IWS1: variants seen among roughly 807,000 people sequenced by gnomAD.
IWS1 encodes protein IWS1 homolog.
A neutral mutation model predicts 86.7 loss-of-function variants in IWS1; 27 were observed. That is an observed-to-expected ratio of 0.31 (90% CI 0.23 to 0.43). The LOEUF is 0.43. Among genes scored for constraint, IWS1 ranks in the 20% least tolerant of loss-of-function variants. The pLI, the probability that IWS1 is intolerant of heterozygous loss-of-function variation, is 1.00. For missense variants in IWS1, 827 were observed against 1,000.8 expected (o/e 0.83, Z 2.34); for synonymous variants, 313 against 335.1 (o/e 0.93, Z 0.72).
chr2:127,521,461 C>T (rs1692091549), intron 2 of IWS1, among the ~76,000 whole-genome samples: 1 of 152,142 alleles, frequency 6.6e-6, no homozygotes, highest in Non-Finnish European at 1.5e-5. Flanking sequence ...TATGGGGTTA[C>T]AGCCTGATAC....
rs562788635 is a variant in IWS1 at position 127,525,078 on chromosome 2, G to A, written c.34+1097C>T. Reference sequence around the variant, plus strand: ...ACTCGGCTAATTTTTGCATTTTTTTGTAGAGACGAAGTAGGGGGGTGGGGT... The same window carrying A: ...ACTCGGCTAATTTTTGCATTTTTTTATAGAGACGAAGTAGGGGGGTGGGGT... On this transcript the variant is annotated intron_variant, in intron 1 of 13. Transcript: ENST00000295321. Among the ~76,000 whole-genome samples the A allele has an allele frequency of 4.5e-5, 6 of 134,270 alleles. No homozygotes were observed. The East Asian group carries it at 1.6e-3, about 35-fold the overall frequency. 88.1% of individuals were successfully genotyped at this position (134,270 alleles called of 152,430 possible).
In IWS1 at chr2:127,503,427, CCTT is replaced by C. The variant is rs1444025254; in HGVS notation, c.1366_1368del (p.Lys456del). The C allele has an allele frequency of 6.2e-7, 1 of 1,613,138 alleles. No individual in the cohort carries two copies. Among genetic ancestry groups the C allele is most frequent in the Non-Finnish European group, 8.5e-7 (1 of 1,179,548 alleles). ...GACTCACTGTCACTCCCAAACAGAT[CCTT>C]CTCTTCATTTTTCTTATCAGACAAT... On this transcript the variant is annotated inframe_deletion, in exon 4 of 14. Transcript: ENST00000295321.
chr2:127,526,121 C>T (rs1692396751), intron 1 of IWS1, 54 bp downstream of exon 1: 3 of 1,543,504 alleles, frequency 1.9e-6, no homozygotes, highest in Non-Finnish European at 2.6e-6. Flanking sequence ...CAGGCCAAGC[C>T]CCGCCGAGTA....
intron 2 of IWS1, 80 bp downstream of exon 2, chr2:127,523,596 G>T (rs1692228015): frequency 2.2e-6 from 2 of 900,242 alleles, no homozygotes; most frequent in South Asian, 1.6e-5. Flanking sequence ...CTGTCACAGA[G>T]ATTCTGTAAC....
At chr2:127,511,576 TC>T (rs1691456475) in intron 2 of IWS1, among the ~76,000 whole-genome samples, 1 of 152,146 alleles carries the variant, frequency 6.6e-6, no homozygotes, top group Non-Finnish European at 1.5e-5. Flanking sequence ...CGCTCACACT[TC>T]ACTGAAAGGT....
At position 127,499,095 on chromosome 2, in the gene IWS1, CTTTTT is replaced by C. The variant is rs397718564; in HGVS notation, c.1468-863_1468-859del. On this transcript the variant is annotated intron_variant, in intron 5 of 13. Transcript: ENST00000295321. This position sits in a 1 kb window ranked among gnomAD's most constrained non-coding sequence, Gnocchi z 4.0. ...TTTGCCAGGCATAATTTTTCTTTTT[CTTTTT>C]TTTTTTTTGAGACGGAGTCTCACTG... is the stretch of plus-strand genomic sequence containing the variant. Among the ~76,000 whole-genome samples, 144 of 143,812 alleles carry C rather than the reference CTTTTT, an allele frequency of 1.0e-3. No homozygotes were observed. Among genetic ancestry groups the C allele is most frequent in the African/African-American group, 3.0e-3 (118 of 38,948 alleles). 94.3% of individuals were successfully genotyped at this position (143,812 alleles called of 152,430 possible).
upstream of IWS1, chr2:127,527,010 C>A (rs182224542): frequency 4.3e-6 from 1 of 231,420 alleles, no homozygotes; most frequent in African/African-American, 2.3e-5. Flanking sequence ...ATTTAGCCAA[C>A]AGTAAGAAGT....
chr2:127,483,412 C>A (rs1419974860), intron 13 of IWS1, among the ~76,000 whole-genome samples: 2 of 151,556 alleles, frequency 1.3e-5, no homozygotes, highest in East Asian at 3.9e-4. Flanking sequence ...CGCTTGAGAC[C>A]AGCCTGAGCA....
rs544625359 is a variant in IWS1 at position 127,503,041 on chromosome 2, C to T, written c.1410-169G>A. Among the ~76,000 whole-genome samples, 62 of 152,314 alleles carry T rather than the reference C, an allele frequency of 4.1e-4. 1 individual carries two copies. Among genetic ancestry groups the T allele is most frequent in the Admixed American group, 2.4e-3 (36 of 15,306 alleles). On this transcript the variant is annotated intron_variant, in intron 4 of 13. Coordinates refer to ENST00000295321, the MANE Select transcript of IWS1 (RefSeq NM_017969.3). ...TCATGTAACCAGCACCCTATACACT[C>T]ATGTAGCCTCCCCAGAAAGTCCTCT...
Position 127,481,103 on chromosome 2 carries a change from T to G in IWS1, c.2401A>C (p.Lys801Gln). The G allele has an allele frequency of 1.9e-6, 3 of 1,612,836 alleles. No individual in the cohort carries two copies. The highest frequency in any genetic ancestry group is 2.5e-6 in the Non-Finnish European group (3 of 1,179,642). The change falls in exon 14 of 14, where the codon AAA becomes CAA. Residue 801 changes from lysine to glutamine, a missense_variant. Transcript: ENST00000295321. ...QMRKFTDIRK[K>Q]SRSAHAVKIS... ...TTCACTGCGTGTGCAGATCTGCTTT[T>G]TTTCCTTATATCTGTGAACTTTCTC...
chr2:127,520,201 G>A (rs1486822931), intron 2 of IWS1, among the ~76,000 whole-genome samples: 5 of 151,880 alleles, frequency 3.3e-5, no homozygotes, highest in African/African-American at 4.8e-5. Flanking sequence ...ACATAGTCTC[G>A]CTCTGTCGCC....
intron 12 of IWS1, chr2:127,488,282 C>T (rs1365119771): frequency 6.6e-6 from 1 of 152,172 alleles, no homozygotes; most frequent in Non-Finnish European, 1.5e-5. Flanking sequence ...GGTCTCTAGC[C>T]CAAACATCTC....
intron 13 of IWS1, 116 bp from the exon 14 acceptor site, chr2:127,481,291 C>T: frequency 2.2e-6 from 2 of 925,688 alleles, no homozygotes; most frequent in Non-Finnish European, 1.6e-6. Flanking sequence ...CTGGAATAAC[C>T]AGAATGTGTG....
At chr2:127,525,112 AG>A (rs1312939099) in intron 1 of IWS1, among the ~76,000 whole-genome samples, 1 of 3,468 alleles carries the variant, frequency 2.9e-4, no homozygotes, top group African/African-American at 5.3e-4. Flanking sequence ...GTAGGGGCGT[AG>A]GGGGGTGGGG....
At chr2:127,527,293 A>G (rs1449413808), upstream of IWS1, among the ~76,000 whole-genome samples, 1 of 152,002 alleles carries the variant, frequency 6.6e-6, no homozygotes, top group African/African-American at 2.4e-5. Context: ...AGACCTTCCA[A>G]ATTCCCGCTG....
intron 2 of IWS1, among the ~76,000 whole-genome samples, chr2:127,513,819 ATCTCT>A (rs1691608056): frequency 6.6e-6 from 1 of 152,344 alleles, no homozygotes; most frequent in South Asian, 2.1e-4. Context: ...AGTCCTTTCA[ATCTCT>A]TCTATGTGTA....
At chr2:127,493,542 G>T in intron 8 of IWS1, 132 bp from the exon 9 acceptor site, 1 of 759,340 alleles carries the variant, frequency 1.3e-6, no homozygotes, top group Non-Finnish European at 2.0e-6. Flanking sequence ...GACATTTACT[G>T]AACACCATTC....
intron 7 of IWS1, among the ~76,000 whole-genome samples, chr2:127,495,560 A>G (rs1469298371): frequency 2.6e-5 from 4 of 152,204 alleles, no homozygotes; most frequent in Non-Finnish European, 5.9e-5. Context: ...GTGTCTCCAA[A>G]AGATCTGAAC....
intron 13 of IWS1, chr2:127,486,001 C>T (rs1348733824): frequency 2.0e-5 from 3 of 153,390 alleles, no homozygotes; most frequent in African/African-American, 7.2e-5. Flanking sequence ...TATGCTTTTC[C>T]AATCGGCTTA....
Sources: allele counts gnomAD v4.1 joint callset (sites outside exome capture counted in the v4.1 genomes callset), GRCh38; gene constraint gnomAD v4.1.1; non-coding constraint Gnocchi (gnomAD v3.1); transcripts MANE v1.5; gene names NCBI Gene and HGNC (gene_info 2026-07-23, HGNC 2026-07-21).